The following SAMD7 variants were observed in gnomAD, a reference collection of about 807,000 sequenced individuals.
The protein encoded by SAMD7 is sterile alpha motif domain-containing protein 7.
A neutral mutation model predicts 36.7 loss-of-function variants in SAMD7; 34 were observed. That is an observed-to-expected ratio of 0.93 (90% CI 0.71 to 1.23). The LOEUF (loss-of-function observed/expected upper bound fraction) is 1.23, where lower values mean the gene tolerates loss of function less well. Among genes scored for constraint, SAMD7 ranks in the 50% most tolerant of loss-of-function variants. The probability of loss-of-function intolerance (pLI) is 0.00; values close to 1 mark genes in which losing one functional copy is unlikely to be tolerated. For synonymous variants in SAMD7, 188 were observed against 189.7 expected (o/e 0.99, Z 0.07); for missense variants, 570 against 546.6 (o/e 1.04, Z -0.43).
intron 7 of SAMD7, chr3:169,932,657 G>GA: frequency 1.8e-6 from 1 of 553,588 alleles, no homozygotes; most frequent in South Asian, 1.4e-5. Context: ...AGACACAATG[G>GA]AAAAATCTGT....
chr3:169,911,848 T>C (rs1712614019), intron 1 of SAMD7, 27 bp downstream of exon 1: 1 of 152,202 alleles, frequency 6.6e-6, no homozygotes, highest in South Asian at 2.1e-4. Flanking sequence ...ACACATTGAT[T>C]AGCCCAAAAT....
chr3:169,925,245 T>C (rs923753072), intron 5 of SAMD7, 109 bp downstream of exon 5: 40 of 635,456 alleles, frequency 6.3e-5, no homozygotes, highest in Non-Finnish European at 8.9e-5. Flanking sequence ...AACAAATAAA[T>C]ACACACACAC....
rs554833702 is a variant in SAMD7, at chr3:169,930,519, C to T, written c.1041+1941C>T. Among the ~76,000 whole-genome samples the T allele has an allele frequency of 4.6e-5, 7 of 151,718 alleles. No individual in the cohort carries two copies. In the South Asian group the frequency reaches 6.3e-4, roughly 14 times the overall value. ...TGCTTGTACCCCACTCTCACAAGGACGCTTGTCTAAAATGTCCCATCAGGT... is the reference window on the plus strand; with the variant it reads ...TGCTTGTACCCCACTCTCACAAGGATGCTTGTCTAAAATGTCCCATCAGGT... On this transcript the variant is annotated intron_variant, in intron 7 of 8. Coordinates refer to ENST00000335556, the MANE Select transcript of SAMD7 (RefSeq NM_001304366.2).
At position 169,938,704 on chromosome 3, in the gene SAMD7, C is replaced by G. The variant is rs896149463; in HGVS notation, c.*198C>G. The G allele has an allele frequency of 2.3e-6, 1 of 426,178 alleles. No individual in the cohort carries two copies. Among genetic ancestry groups the G allele is most frequent in the Non-Finnish European group, 4.1e-6 (1 of 242,942 alleles). 26.4% of individuals were successfully genotyped at this position (426,178 alleles called of 1,614,324 possible). ...GACCCCAGCACCAAATGACTGGAGA[C>G]GCATCCTTAGGAGCAAATGCTAATG... is the stretch of plus-strand genomic sequence containing the variant. On this transcript the variant is annotated 3_prime_UTR_variant, in exon 9 of 9. Coordinates refer to ENST00000335556, the MANE Select transcript of SAMD7 (RefSeq NM_001304366.2).
At chr3:169,921,129 T>TA in intron 3 of SAMD7, 85 bp from the exon 4 acceptor site, 1 of 1,255,130 alleles carries the variant, frequency 8.0e-7, no homozygotes, top group South Asian at 1.3e-5. Context: ...CATATGGCAA[T>TA]AACAAAATCT....
chr3:169,931,862 G>A (rs74394701), intron 7 of SAMD7: 316 of 198,090 alleles, frequency 1.6e-3, no homozygotes, highest in African/African-American at 7.1e-3. Context: ...AGGACGCAAC[G>A]GGAACTGTGG....
intron 7 of SAMD7, among the ~76,000 whole-genome samples, chr3:169,934,483 G>A (rs1442266866): frequency 6.6e-6 from 1 of 152,162 alleles, no homozygotes; most frequent in African/African-American, 2.4e-5. Context: ...ACAGTACCTG[G>A]TTTTAACTTC....
In SAMD7 at chr3:169,911,650, AG is replaced by A. The variant is rs1712606551; in HGVS notation, c.-287del. On this transcript the variant is annotated 5_prime_UTR_variant, in exon 1 of 9. Transcript: ENST00000335556. ...GTCATGAAATAGGACTAATCAACTT[AG>A]TTGAATTTGTATTTAAAGCAAGGTT... The A allele has an allele frequency of 6.6e-6, 1 of 152,276 alleles. No homozygotes were observed. Among genetic ancestry groups the A allele is most frequent in the Non-Finnish European group, 1.5e-5 (1 of 68,052 alleles). The allele number at this position is 152,276 out of a possible 1,614,324, so 9.4% of individuals were successfully genotyped here. A position where few individuals can be genotyped will look rare whatever the true frequency, so the allele number is the denominator to read the frequency against.
At chr3:169,927,281 CTTTCTTTTT>C in intron 6 of SAMD7, 100 bp downstream of exon 6, 1 of 225,354 alleles carries the variant, frequency 4.4e-6, no homozygotes, top group Non-Finnish European at 7.8e-6. Context: ...CTCTTTTTAT[CTTTCTTTTT>C]TTTTTTTTTT....
chr3:169,932,282 C>A, intron 7 of SAMD7: 1 of 778,202 alleles, frequency 1.3e-6, no homozygotes. Context: ...CATGCCATGG[C>A]CACCAAGCAA....
chr3:169,932,909 G>A (rs895257375), intron 7 of SAMD7: 15 of 638,118 alleles, frequency 2.4e-5, no homozygotes, highest in African/African-American at 1.5e-4. Flanking sequence ...TAATGAGGGC[G>A]CCAGTATGCT....
At chr3:169,921,630 T>A (rs1713049434) in intron 4 of SAMD7, among the ~76,000 whole-genome samples, 1 of 152,210 alleles carries the variant, frequency 6.6e-6, no homozygotes, top group South Asian at 2.1e-4. Flanking sequence ...TATGAGGAGA[T>A]TAGATCTGAG....
intron 7 of SAMD7, among the ~76,000 whole-genome samples, chr3:169,928,973 C>T (rs1713384755): frequency 6.6e-6 from 1 of 152,182 alleles, no homozygotes; most frequent in African/African-American, 2.4e-5. Context: ...TTAGGTTACT[C>T]ACTGTAAGTA....
chr3:169,923,147 A>G (rs752279018), intron 4 of SAMD7, among the ~76,000 whole-genome samples: 1 of 152,178 alleles, frequency 6.6e-6, no homozygotes, highest in Non-Finnish European at 1.5e-5. Flanking sequence ...CTCTTAATAG[A>G]TGGGAGCAAT....
At chr3:169,921,415 T>G in intron 4 of SAMD7, 77 bp downstream of exon 4, 1 of 1,473,702 alleles carries the variant, frequency 6.8e-7, no homozygotes, top group Non-Finnish European at 9.4e-7. Context: ...TGCCATCAAA[T>G]TACTCCTAAA....
chr3:169,931,147 G>A (rs1713476509), intron 7 of SAMD7, among the ~76,000 whole-genome samples: 1 of 152,216 alleles, frequency 6.6e-6, no homozygotes, highest in Non-Finnish European at 1.5e-5. Flanking sequence ...ACATTCAGGA[G>A]AGCCTGCAAC....
chr3:169,929,048 T>C (rs1194764848), intron 7 of SAMD7, among the ~76,000 whole-genome samples: 1 of 152,206 alleles, frequency 6.6e-6, no homozygotes, highest in Non-Finnish European at 1.5e-5. Flanking sequence ...AGAAATTCAT[T>C]ATTTTAAATT....
chr3:169,915,664 A>C (rs1318944632), intron 2 of SAMD7, among the ~76,000 whole-genome samples: 1 of 141,510 alleles, frequency 7.1e-6, no homozygotes. Flanking sequence ...GGCTCACTGC[A>C]ACCTCTGCCT....
At chr3:169,923,447 A>G (rs1310753094) in intron 4 of SAMD7, among the ~76,000 whole-genome samples, 2 of 152,228 alleles carry the variant, frequency 1.3e-5, no homozygotes, top group East Asian at 3.9e-4. Context: ...AGACTAGTAA[A>G]ACAGCTGCAC....
Sources: allele counts gnomAD v4.1 joint callset (sites outside exome capture counted in the v4.1 genomes callset), GRCh38; gene constraint gnomAD v4.1.1; transcripts MANE v1.5; gene names NCBI Gene and HGNC (gene_info 2026-07-23, HGNC 2026-07-21).